Variants in LONP2 observed in about 807,000 individuals in gnomAD.
LONP2 encodes lon peptidase 2, peroxisomal.
A neutral mutation model predicts 85.6 loss-of-function variants in LONP2; 60 were observed. The observed-to-expected ratio is 0.70, with a 90% confidence interval of 0.57 to 0.87. LONP2 has a LOEUF of 0.87. Among genes scored for constraint, LONP2 ranks in the 40% least tolerant of loss-of-function variants. LONP2 has a pLI of 0.00. For synonymous variants in LONP2, 395 were observed against 389.7 expected (o/e 1.01, Z -0.16); for missense variants, 860 against 1,063.5 (o/e 0.81, Z 2.66).
intron 11 of LONP2, among the ~76,000 whole-genome samples, chr16:48,322,708 C>T (rs1973292271): frequency 6.6e-6 from 1 of 152,104 alleles, no homozygotes; most frequent in Non-Finnish European, 1.5e-5. Flanking sequence ...GACTCCACCT[C>T]TAAAAATATA....
intron 8 of LONP2, 102 bp from the exon 9 acceptor site, chr16:48,295,913 C>A: frequency 1.9e-6 from 2 of 1,054,658 alleles, no homozygotes; most frequent in Admixed American, 2.3e-5. Context: ...TTCTTCTGAG[C>A]AGAAATACCA....
intron 6 of LONP2, among the ~76,000 whole-genome samples, chr16:48,266,763 A>G (rs1038066484): frequency 7.2e-5 from 11 of 152,086 alleles, no homozygotes; most frequent in African/African-American, 2.7e-4. Context: ...ATCTGTTGAT[A>G]GACATTTGGG....
At chr16:48,349,616 G>T (rs959229819) in intron 14 of LONP2, among the ~76,000 whole-genome samples, 1 of 152,194 alleles carries the variant, frequency 6.6e-6, no homozygotes, top group Non-Finnish European at 1.5e-5. Flanking sequence ...AGCAGCACTT[G>T]AAAGAAAGGC....
chr16:48,271,663 C>T (rs1415837446), intron 7 of LONP2, among the ~76,000 whole-genome samples: 1 of 152,124 alleles, frequency 6.6e-6, no homozygotes, highest in Non-Finnish European at 1.5e-5. Context: ...CAGGCAGTTG[C>T]TTGAGCTCAG....
intron 4 of LONP2, among the ~76,000 whole-genome samples, chr16:48,259,283 AC>A (rs1424551798): frequency 6.6e-6 from 1 of 152,148 alleles, no homozygotes; most frequent in Non-Finnish European, 1.5e-5. Context: ...TAATTCTTTA[AC>A]CCATATATTA....
intron 11 of LONP2, among the ~76,000 whole-genome samples, chr16:48,310,719 C>T (rs1973013015): frequency 6.6e-6 from 1 of 151,800 alleles, no homozygotes; most frequent in Non-Finnish European, 1.5e-5. Context: ...GTCATGTTGC[C>T]CTTTTATTTC....
intron 11 of LONP2, among the ~76,000 whole-genome samples, chr16:48,323,674 A>C (rs1028751811): frequency 2.6e-5 from 4 of 151,672 alleles, no homozygotes; most frequent in African/African-American, 9.7e-5. Context: ...AAAAAAAAAC[A>C]ACTAAAATTG....
At chr16:48,261,311 A>T (rs1241929305) in intron 4 of LONP2, 113 bp from the exon 5 acceptor site, 6 of 738,312 alleles carry the variant, frequency 8.1e-6, no homozygotes, top group Middle Eastern at 8.4e-4. Flanking sequence ...AAAGATAGAG[A>T]CTGTAGTCAT....
chr16:48,321,299 T>G (rs891794979), intron 11 of LONP2, among the ~76,000 whole-genome samples: 2 of 152,258 alleles, frequency 1.3e-5, no homozygotes, highest in African/African-American at 4.8e-5. Context: ...TCTCTGCATT[T>G]TAACTACTCA....
intron 1 of LONP2, among the ~76,000 whole-genome samples, chr16:48,248,721 A>G (rs1012770757): frequency 6.6e-6 from 1 of 152,026 alleles, no homozygotes; most frequent in Non-Finnish European, 1.5e-5. Flanking sequence ...TTGAGTAAAA[A>G]AATTTTTTAA....
At chr16:48,277,560 C>A in intron 8 of LONP2, 81 bp downstream of exon 8, 1 of 1,375,068 alleles carries the variant, frequency 7.3e-7, no homozygotes, top group Non-Finnish European at 9.9e-7. Context: ...AAGTGATATA[C>A]ACAGTGGTGT....
At chr16:48,277,589 A>G (rs1359310185) in intron 8 of LONP2, 110 bp downstream of exon 8, 7 of 1,099,412 alleles carry the variant, frequency 6.4e-6, no homozygotes, top group Non-Finnish European at 8.7e-6. Flanking sequence ...TTATGGGAAA[A>G]ACAGTTTGAT....
At chr16:48,289,179 G>T (rs191457099) in intron 8 of LONP2, among the ~76,000 whole-genome samples, 1 of 152,112 alleles carries the variant, frequency 6.6e-6, no homozygotes, top group Non-Finnish European at 1.5e-5. Context: ...TTTGAGACAG[G>T]TCTCAGTTAA....
chr16:48,324,937 A>T (rs1312713082), intron 11 of LONP2, among the ~76,000 whole-genome samples: 1 of 152,198 alleles, frequency 6.6e-6, no homozygotes, highest in Non-Finnish European at 1.5e-5. Flanking sequence ...TGTGGTAAGT[A>T]TATTTAAAAT....
intron 1 of LONP2, among the ~76,000 whole-genome samples, chr16:48,250,700 G>T (rs189208135): frequency 2.6e-5 from 4 of 152,272 alleles, no homozygotes; most frequent in Admixed American, 2.6e-4. Context: ...AGCTCTTTCA[G>T]CATTGTACAA....
At chr16:48,318,023 C>T (rs1340803381) in intron 11 of LONP2, among the ~76,000 whole-genome samples, 1 of 151,950 alleles carries the variant, frequency 6.6e-6, no homozygotes, top group East Asian at 1.9e-4. Flanking sequence ...CCTTGATATA[C>T]ATCCTTTTAT....
chr16:48,285,471 G>A (rs902674456), intron 8 of LONP2, among the ~76,000 whole-genome samples: 3 of 152,014 alleles, frequency 2.0e-5, no homozygotes, highest in Admixed American at 6.6e-5. Flanking sequence ...ATTATGGTGT[G>A]TTGGTAATCT....
In LONP2 at chr16:48,244,402, G is replaced by A; in HGVS notation, c.14G>A (p.Ser5Asn). ...AAGGCTGCCAGCATGTCATCAGTGA[G>A]CCCCATCCAGATCCCCAGTCGCCTC... MSSV[S>N]PIQIPSRLPL... Residue 5 changes from serine (S) to asparagine (N), a missense_variant, in exon 1 of 15, where the codon AGC becomes AAC. This residue lies in a region of LONP2 where 743 missense variants were observed against 917.3 expected (regional missense o/e 0.81). Coordinates refer to ENST00000285737, the MANE Select transcript of LONP2 (RefSeq NM_031490.5). The A allele has an allele frequency of 6.4e-7, 1 of 1,567,456 alleles. No individual in the cohort carries two copies. The highest frequency in any genetic ancestry group is 8.6e-7 in the Non-Finnish European group (1 of 1,162,818).
chr16:48,297,239 C>G (rs987475965), intron 9 of LONP2, among the ~76,000 whole-genome samples: 2 of 152,196 alleles, frequency 1.3e-5, no homozygotes, highest in South Asian at 4.1e-4. Context: ...CTCAAGTGAT[C>G]TGCCTGCCTT....
Sources: allele counts gnomAD v4.1 joint callset (sites outside exome capture counted in the v4.1 genomes callset), GRCh38; gene constraint gnomAD v4.1.1; regional missense constraint gnomAD v4.1.1; transcripts MANE v1.5; gene names NCBI Gene and HGNC (gene_info 2026-07-23, HGNC 2026-07-21).